Variants in PDE1A observed in about 807,000 individuals in gnomAD.
The protein encoded by PDE1A is phosphodiesterase 1A, also known as dual specificity calcium/calmodulin-dependent 3',5'-cyclic nucleotide phosphodiesterase 1A.
A neutral mutation model predicts 61.7 loss-of-function variants in PDE1A; 35 were observed. The observed-to-expected ratio is 0.57, with a 90% CI of 0.43 to 0.75. PDE1A has a LOEUF of 0.75. Among genes scored for constraint, PDE1A ranks in the 30% least tolerant of loss-of-function variants. The pLI is 0.00. For missense variants in PDE1A, 597 were observed against 630.6 expected, an observed-to-expected ratio of 0.95 and a Z score of 0.57; for synonymous variants, 232 against 213.2, an observed-to-expected ratio of 1.09 and a Z score of -0.77.
intron 1 of PDE1A, among the ~76,000 whole-genome samples, chr2:182,356,761 G>T (rs1166976875): frequency 6.6e-6 from 1 of 152,152 alleles, no homozygotes; most frequent in Non-Finnish European, 1.5e-5. Context: ...ATTCACAATA[G>T]CAAAGACTTG....
intron 1 of PDE1A, among the ~76,000 whole-genome samples, chr2:182,416,542 T>C (rs1574604595): frequency 6.6e-6 from 1 of 152,232 alleles, no homozygotes; most frequent in South Asian, 2.1e-4. Flanking sequence ...CTAGGCAACA[T>C]TTTTTTGCCT....
At chr2:182,606,358 TTAGTA>T in the PDE1A span, among the ~76,000 whole-genome samples, 1 of 152,174 alleles carries the variant, frequency 6.6e-6, no homozygotes, top group Non-Finnish European at 1.5e-5. Flanking sequence ...TTTTGTATCT[TTAGTA>T]GAGACGGGGT....
chr2:182,312,824 G>T (rs1696075590), intron 1 of PDE1A, among the ~76,000 whole-genome samples: 1 of 131,104 alleles, frequency 7.6e-6, no homozygotes, highest in African/African-American at 3.0e-5. Context: ...AACTTTTTAT[G>T]TTTTACCAAA....
the PDE1A span, among the ~76,000 whole-genome samples, chr2:182,646,639 G>A: frequency 3.3e-5 from 5 of 151,378 alleles, no homozygotes; most frequent in Non-Finnish European, 5.9e-5. Context: ...AGCCGAGATC[G>A]CGCCACTGCA....
At chr2:182,182,795 A>T (rs1432522) in intron 13 of PDE1A, among the ~76,000 whole-genome samples, 1 of 151,236 alleles carries the variant, frequency 6.6e-6, no homozygotes, top group Non-Finnish European at 1.5e-5. Flanking sequence ...AAATTTGTTA[A>T]CACCCACCCT....
At chr2:182,227,070 G>A (rs568319217) in intron 6 of PDE1A, among the ~76,000 whole-genome samples, 3 of 152,022 alleles carry the variant, frequency 2.0e-5, no homozygotes, top group Non-Finnish European at 4.4e-5. Flanking sequence ...CGTATCTAGC[G>A]GCAGAGCAGG....
chr2:182,574,029 A>G, the PDE1A span, among the ~76,000 whole-genome samples: 2 of 151,074 alleles, frequency 1.3e-5, no homozygotes, highest in Non-Finnish European at 2.9e-5. Flanking sequence ...GTGTTAACTT[A>G]CAAGGCCCCA....
the PDE1A span, among the ~76,000 whole-genome samples, chr2:182,685,537 C>G: frequency 1.3e-5 from 2 of 152,044 alleles, no homozygotes; most frequent in Non-Finnish European, 2.9e-5. Context: ...GTTATTTAAC[C>G]TCTCTAAAAT....
chr2:182,299,102 G>A (rs939796849), intron 1 of PDE1A, among the ~76,000 whole-genome samples: 8 of 151,878 alleles, frequency 5.3e-5, no homozygotes, highest in African/African-American at 1.2e-4. Context: ...TATTTTCGCC[G>A]AAATACCAGG....
At chr2:182,567,039 G>A in the PDE1A span, among the ~76,000 whole-genome samples, 1 of 152,118 alleles carries the variant, frequency 6.6e-6, no homozygotes. Context: ...AGTCTAGCTT[G>A]ATTAGTTACT....
chr2:182,591,626 C>A, the PDE1A span, among the ~76,000 whole-genome samples: 1 of 152,022 alleles, frequency 6.6e-6, no homozygotes, highest in Admixed American at 6.6e-5. Flanking sequence ...TAGGGTTTTC[C>A]ACAACGCCCT....
At chr2:182,431,733 A>G (rs180673748), upstream of PDE1A, among the ~76,000 whole-genome samples, 5 of 152,182 alleles carry the variant, frequency 3.3e-5, no homozygotes, top group African/African-American at 1.2e-4. Context: ...CCTGAGCCCA[A>G]GCTTTTACTC....
chr2:182,386,615 C>T, intron 1 of PDE1A, among the ~76,000 whole-genome samples: 1 of 151,080 alleles, frequency 6.6e-6, no homozygotes, highest in East Asian at 2.0e-4. Context: ...CCAGCAGCCG[C>T]CCCATCTGAG....
At chr2:182,685,854 T>A in the PDE1A span, among the ~76,000 whole-genome samples, 1 of 152,224 alleles carries the variant, frequency 6.6e-6, no homozygotes, top group Non-Finnish European at 1.5e-5. Flanking sequence ...AAAAGTCTCC[T>A]CTGCTAATTG....
At chr2:182,224,442 T>C (rs1198373586) in intron 6 of PDE1A, among the ~76,000 whole-genome samples, 1 of 151,966 alleles carries the variant, frequency 6.6e-6, no homozygotes, top group Non-Finnish European at 1.5e-5. Flanking sequence ...TTCATTTTCA[T>C]GTTTAGAGAT....
chr2:182,300,906 G>A (rs549446335), intron 1 of PDE1A, among the ~76,000 whole-genome samples: 27 of 152,230 alleles, frequency 1.8e-4, no homozygotes, highest in African/African-American at 4.3e-4. Flanking sequence ...TACTTCCTCC[G>A]TCAAATGACT....
intron 13 of PDE1A, among the ~76,000 whole-genome samples, chr2:182,184,679 G>A (rs149667147): frequency 6.6e-6 from 1 of 152,208 alleles, no homozygotes; most frequent in East Asian, 1.9e-4. Context: ...ACATACAAAA[G>A]ATTGCATATA....
the PDE1A span, among the ~76,000 whole-genome samples, chr2:182,544,043 AT>A: frequency 6.6e-6 from 1 of 152,146 alleles, no homozygotes; most frequent in African/African-American, 2.4e-5. Context: ...TGGTCTCTGT[AT>A]TTTTCAACTA....
At chr2:182,368,321 C>T (rs918484439) in intron 1 of PDE1A, among the ~76,000 whole-genome samples, 2 of 151,464 alleles carry the variant, frequency 1.3e-5, no homozygotes, top group Admixed American at 6.6e-5. Flanking sequence ...TTTCTTAAGT[C>T]CAGAACACCC....
Sources: gnomAD v4.1 joint callset for allele counts (sites outside exome capture counted in the v4.1 genomes callset) on GRCh38, gnomAD v4.1.1 for gene constraint, MANE v1.5 for transcripts, NCBI Gene and HGNC (gene_info 2026-07-23, HGNC 2026-07-21) for gene names.